Variants in CEP192 observed in about 807,000 individuals in gnomAD.
CEP192 encodes the protein centrosomal protein 192.
Under a neutral mutation model 271.8 loss-of-function variants are expected in CEP192, and 151 were observed. That is an observed-to-expected ratio of 0.56 (90% confidence interval 0.49 to 0.64). CEP192 has a LOEUF of 0.64. CEP192 is among the 30% of genes least tolerant of loss of function. CEP192 has a pLI of 0.00. For missense variants in CEP192, 2,910 were observed against 3,020.5 expected (o/e 0.96, Z 0.86); for synonymous variants, 995 against 1,076.5 (o/e 0.92, Z 1.48).
At position 13,048,979 on chromosome 18, in the gene CEP192, G is replaced by C. The variant is rs1291956333; in HGVS notation, c.2188G>C (p.Asp730His). Reference sequence around the variant, plus strand: ...CATTGCAGAGGCATCAGTTAATACTGATCCTTCCCAACTTGCTGCAATGAT... The same window carrying C: ...CATTGCAGAGGCATCAGTTAATACTCATCCTTCCCAACTTGCTGCAATGAT... Reference protein sequence around the residue: ...SAIAEASVNTDPSQLAAMIKA... With the variant: ...SAIAEASVNTHPSQLAAMIKA... Residue 730 changes from aspartate to histidine, a missense_variant, in exon 16 of 45, where the codon GAT becomes CAT. Physicochemically the swap from Asp to His is moderately conservative, Grantham distance 81. Coordinates refer to ENST00000506447, the MANE Select transcript of CEP192 (RefSeq NM_032142.4). 1 of 1,614,000 alleles carries C rather than the reference G, an allele frequency of 6.2e-7. No homozygotes were observed. The highest frequency in any genetic ancestry group is 8.5e-7 in the Non-Finnish European group (1 of 1,180,010).
intron 1 of CEP192, among the ~76,000 whole-genome samples, chr18:12,994,170 T>C (rs760687031): frequency 6.6e-6 from 1 of 152,190 alleles, no homozygotes; most frequent in Non-Finnish European, 1.5e-5. Flanking sequence ...AATTATTTCA[T>C]TGGAAGAAGA....
chr18:13,039,385 G>A (rs1236592668), intron 13 of CEP192, among the ~76,000 whole-genome samples: 2 of 151,894 alleles, frequency 1.3e-5, no homozygotes, highest in Admixed American at 1.3e-4. Flanking sequence ...AACCCAGGAG[G>A]TGGAGAGTTG....
At chr18:13,120,755 A>G (rs973601412) in intron 44 of CEP192, among the ~76,000 whole-genome samples, 6 of 152,376 alleles carry the variant, frequency 3.9e-5, no homozygotes, top group Admixed American at 3.9e-4. Context: ...ATAGGACTAC[A>G]GGGTAAATGC....
chr18:13,003,661 A>G (rs898241425), intron 3 of CEP192, among the ~76,000 whole-genome samples: 1 of 152,024 alleles, frequency 6.6e-6, no homozygotes, highest in African/African-American at 2.4e-5. Flanking sequence ...AGATACGGGA[A>G]GCCACTAGAG....
At chr18:13,027,671 C>T (rs959778442) in intron 9 of CEP192, among the ~76,000 whole-genome samples, 1 of 152,058 alleles carries the variant, frequency 6.6e-6, no homozygotes, top group Non-Finnish European at 1.5e-5. Flanking sequence ...GATGGAGTGG[C>T]GACTTCCAAG....
At chr18:13,039,486 G>A (rs1163678659) in intron 13 of CEP192, among the ~76,000 whole-genome samples, 4 of 151,112 alleles carry the variant, frequency 2.6e-5, no homozygotes, top group African/African-American at 9.7e-5. Context: ...TTTTTTTCTT[G>A]TGAGAAGAAA....
intron 21 of CEP192, 67 bp downstream of exon 21, chr18:13,059,379 T>C: frequency 7.5e-7 from 1 of 1,342,202 alleles, no homozygotes; most frequent in Non-Finnish European, 1.0e-6. Context: ...ACCTTAGAAG[T>C]AAAATTTGGG....
At position 13,124,846 on chromosome 18, in the gene CEP192, G is replaced by A. The variant is rs2145197925; in HGVS notation, c.*76G>A. ...CTTTATCTTTCTACACTACAATTAT[G>A]CTTTTGTATATATATTTTGTATGAT... On this transcript the variant is annotated 3_prime_UTR_variant, in exon 45 of 45. Coordinates refer to ENST00000506447, the MANE Select transcript of CEP192 (RefSeq NM_032142.4). The A allele has an allele frequency of 8.6e-7, 1 of 1,167,064 alleles. No individual in the cohort carries two copies. Among genetic ancestry groups the A allele is most frequent in the East Asian group, 2.6e-5 (1 of 39,000 alleles). The allele number at this position is 1,167,064 out of a possible 1,614,324, so 72.3% of individuals were successfully genotyped here.
intron 30 of CEP192, among the ~76,000 whole-genome samples, chr18:13,076,752 G>A (rs2038307004): frequency 6.6e-6 from 1 of 152,062 alleles, no homozygotes; most frequent in Non-Finnish European, 1.5e-5. Flanking sequence ...ATTTGTAGGA[G>A]CTTCCAATCT....
chr18:13,023,093 G>A (rs2035084140), intron 9 of CEP192, among the ~76,000 whole-genome samples: 1 of 152,074 alleles, frequency 6.6e-6, no homozygotes, highest in African/African-American at 2.4e-5. Flanking sequence ...TGGATTTTCT[G>A]CATAGATAAT....
rs1468121654 is a variant in CEP192 at position 13,070,973 on chromosome 18, A to G, written c.5175-66A>G. On this transcript the variant is annotated intron_variant, in intron 27 of 44. Coordinates refer to ENST00000506447, the MANE Select transcript of CEP192 (RefSeq NM_032142.4). ...GTTCAGTCTTTTGGACAATGGAAAC[A>G]TATAGGAAATAGTTGCGAAAAGAAT... The G allele has an allele frequency of 3.8e-6, 5 of 1,330,962 alleles. No individual in the cohort carries two copies. In the African/African-American group the frequency reaches 5.8e-5, roughly 15 times the overall value. 82.4% of individuals were successfully genotyped at this position (1,330,962 alleles called of 1,614,324 possible).
intron 30 of CEP192, among the ~76,000 whole-genome samples, chr18:13,086,745 T>A (rs1489725376): frequency 6.6e-6 from 1 of 152,256 alleles, no homozygotes; most frequent in Non-Finnish European, 1.5e-5. Flanking sequence ...AATCTTTATA[T>A]TATTCCTGTG....
chr18:13,057,026 A>T (rs1024748300), intron 19 of CEP192, among the ~76,000 whole-genome samples: 1 of 152,078 alleles, frequency 6.6e-6, no homozygotes, highest in African/African-American at 2.4e-5. Context: ...CCACCTTGTG[A>T]GTCTCTGGGT....
At chr18:12,999,273 C>T in intron 1 of CEP192, 148 bp from the exon 2 acceptor site, 2 of 563,948 alleles carry the variant, frequency 3.5e-6, no homozygotes, top group South Asian at 2.7e-5. Context: ...TTTATTTTAC[C>T]TCAGACTATT....
At chr18:13,123,237 AT>A (rs2040755705) in intron 44 of CEP192, among the ~76,000 whole-genome samples, 1 of 152,212 alleles carries the variant, frequency 6.6e-6, no homozygotes, top group Non-Finnish European at 1.5e-5. Context: ...AGCTAATGCC[AT>A]GGGCCAGGTT....
At chr18:13,102,948 G>A (rs983134148) in intron 38 of CEP192, among the ~76,000 whole-genome samples, 2 of 152,166 alleles carry the variant, frequency 1.3e-5, no homozygotes, top group South Asian at 2.1e-4. Flanking sequence ...GAGGCCCTAC[G>A]CCTCCTCCAG....
At position 13,056,212 on chromosome 18, in the gene CEP192, G is replaced by C. The variant is rs747365378; in HGVS notation, c.3622G>C (p.Gly1208Arg). 4 of 1,614,088 alleles carry C rather than the reference G, an allele frequency of 2.5e-6. No homozygotes were observed. In the East Asian group the frequency reaches 8.9e-5, roughly 36 times the overall value. The change falls in exon 19 of 45, where the codon GGC becomes CGC. Residue 1208 changes from glycine to arginine, a missense_variant. Transcript: ENST00000506447. The part of the protein sequence containing the change: ...RISPKDKSTA[G>R]REFSGQVSHQ... ...AAGTCCTAAAGATAAGTCAACTGCT[G>C]GCCGTGAGTTCAGTGGCCAGGTTTC...
chr18:13,098,650 C>T (rs1334795347), intron 36 of CEP192, among the ~76,000 whole-genome samples: 6 of 151,902 alleles, frequency 3.9e-5, no homozygotes, highest in African/African-American at 1.2e-4. Context: ...CTCCTCCCTT[C>T]CTAGATGGAA....
At chr18:13,117,834 C>T (rs761653617) in intron 44 of CEP192, among the ~76,000 whole-genome samples, 191 bp downstream of exon 44, 10 of 152,168 alleles carry the variant, frequency 6.6e-5, no homozygotes, top group Non-Finnish European at 1.2e-4. Context: ...CCTGACCGTC[C>T]GTGGTGCACT....
Sources: allele counts gnomAD v4.1 joint callset (sites outside exome capture counted in the v4.1 genomes callset), GRCh38; gene constraint gnomAD v4.1.1; transcripts MANE v1.5; gene names NCBI Gene and HGNC (gene_info 2026-07-23, HGNC 2026-07-21).